GRK5: variants seen among roughly 807,000 people sequenced by gnomAD.
The protein encoded by GRK5 is g protein-coupled receptor kinase GRK5.
Under a neutral mutation model 78.4 loss-of-function variants are expected in GRK5, and 40 were observed. That is an observed-to-expected ratio of 0.51 (90% confidence interval 0.40 to 0.66). The LOEUF (loss-of-function observed/expected upper bound fraction) is 0.66, where lower values mean the gene tolerates loss of function less well. GRK5 is among the 30% of genes least tolerant of loss of function. The pLI, the probability that GRK5 is intolerant of heterozygous loss-of-function variation, is 0.00. For missense variants in GRK5, 598 were observed against 759.9 expected, an observed-to-expected ratio of 0.79 and a Z score of 2.50; for synonymous variants, 289 against 296.8, an observed-to-expected ratio of 0.97 and a Z score of 0.27.
intron 1 of GRK5, among the ~76,000 whole-genome samples, chr10:119,222,826 G>T (rs1261858979): frequency 2.0e-5 from 3 of 152,240 alleles, no homozygotes; most frequent in Non-Finnish European, 4.4e-5. Context: ...TCCTCACACT[G>T]AAGCCAGCTC....
chr10:119,436,665 T>C lies in GRK5; in HGVS notation c.753T>C (p.Tyr251=). ...TGTGCTCCCAGGTCAACCTGGCCTA[T>C]GCCTACGAGACCAAGGATGCACTGT... ...VNSQFVVNLA[Y]AYETKDALCL... The change falls in exon 9 of 16, where the codon TAT becomes TAC. Residue 251 remains tyrosine (Y), a synonymous_variant. Transcript: ENST00000392870. 2 of 1,614,178 alleles carry C rather than the reference T, an allele frequency of 1.2e-6. No homozygotes were observed. The highest frequency in any genetic ancestry group is 2.2e-5 in the South Asian group (2 of 91,076).
chr10:119,457,036 C>T lies in GRK5; in HGVS notation c.*1969C>T, dbSNP rs906163167. 3 of 152,308 alleles carry T rather than the reference C, an allele frequency of 2.0e-5. No individual in the cohort carries two copies. The highest frequency in any genetic ancestry group is 1.9e-4 in the East Asian group (1 of 5,186). 9.4% of individuals were successfully genotyped at this position (152,308 alleles called of 1,614,324 possible). On this transcript the variant is annotated 3_prime_UTR_variant, in exon 16 of 16. Coordinates refer to ENST00000392870, the MANE Select transcript of GRK5 (RefSeq NM_005308.3). ...AGCTCTTGTTTTATGAGGCTCCTTC[C>T]ATTACCTTTCTTGGGCTGAATGCAA... is the stretch of plus-strand genomic sequence containing the variant.
chr10:119,328,755 G>T (rs1025422026), intron 2 of GRK5, among the ~76,000 whole-genome samples: 2 of 152,238 alleles, frequency 1.3e-5, no homozygotes, highest in African/African-American at 4.8e-5. Flanking sequence ...GTGAGAAGCG[G>T]GCACCTGCGC....
chr10:119,440,392 T>C (rs1853008155), intron 10 of GRK5, among the ~76,000 whole-genome samples: 1 of 152,084 alleles, frequency 6.6e-6, no homozygotes, highest in African/African-American at 2.4e-5. Context: ...CCTTCTTTTT[T>C]TTTTTTTGAG....
intron 2 of GRK5, among the ~76,000 whole-genome samples, chr10:119,375,680 G>A (rs558069001): frequency 3.3e-5 from 5 of 152,354 alleles, no homozygotes; most frequent in Admixed American, 2.6e-4. Flanking sequence ...CTGTCTGAGC[G>A]CAAGGCTGGA....
chr10:119,299,130 CAG>C (rs1850131587), intron 1 of GRK5, among the ~76,000 whole-genome samples: 1 of 152,292 alleles, frequency 6.6e-6, no homozygotes, highest in East Asian at 1.9e-4. Flanking sequence ...AGGTTTCTGA[CAG>C]AGGCCTAGGA....
chr10:119,240,630 C>T (rs1027532043), intron 1 of GRK5, among the ~76,000 whole-genome samples: 9 of 152,064 alleles, frequency 5.9e-5, no homozygotes, highest in Admixed American at 2.6e-4. Flanking sequence ...ACATAAATGT[C>T]TTCTTTTGAG....
intron 1 of GRK5, among the ~76,000 whole-genome samples, chr10:119,307,748 A>G (rs1007718078): frequency 1.5e-5 from 2 of 131,832 alleles, no homozygotes; most frequent in Non-Finnish European, 3.4e-5. Flanking sequence ...TCATGCAGCC[A>G]TGCTCTACTC....
At position 119,219,379 on chromosome 10, in the gene GRK5, C is replaced by G. The variant is rs1272391404; in HGVS notation, c.52+11410C>G. On this transcript the variant is annotated intron_variant, in intron 1 of 15. Transcript: ENST00000392870. ...CAGGTGCGTGCCACCACACTTGACT[C>G]TTTGCAACATTTTGGATTTTAGATT... is the stretch of plus-strand genomic sequence containing the variant. Among the ~76,000 whole-genome samples the G allele has an allele frequency of 3.9e-5, 6 of 152,196 alleles. No homozygotes were observed. The East Asian group carries it at 1.2e-3, about 29-fold the overall frequency.
At chr10:119,421,511 G>A (rs932018777) in intron 4 of GRK5, among the ~76,000 whole-genome samples, 2 of 152,258 alleles carry the variant, frequency 1.3e-5, no homozygotes, top group Non-Finnish European at 2.9e-5. Context: ...CTCCTCCCAT[G>A]ACATCGAGGA....
chr10:119,367,871 C>T (rs979472331), intron 2 of GRK5, among the ~76,000 whole-genome samples: 36 of 152,172 alleles, frequency 2.4e-4, no homozygotes, highest in African/African-American at 8.7e-4. Flanking sequence ...CTCCACCTTC[C>T]GAGGCATTCA....
chr10:119,315,544 C>T (rs1850471341), intron 1 of GRK5, among the ~76,000 whole-genome samples: 1 of 152,190 alleles, frequency 6.6e-6, no homozygotes, highest in Non-Finnish European at 1.5e-5. Flanking sequence ...CTGGCCGCCT[C>T]CACTTTGCCC....
chr10:119,228,150 ATGGTGAAACCCCATCTCT>A (rs1412445886), intron 1 of GRK5, among the ~76,000 whole-genome samples: 7 of 152,122 alleles, frequency 4.6e-5, no homozygotes, highest in African/African-American at 1.7e-4. Context: ...ACTGGGCAGC[ATGGTGAAACCCCATCTCT>A]ACAAAAAACA....
At position 119,457,787 on chromosome 10, in the gene GRK5, A is replaced by C. The variant is rs2133926632; in HGVS notation, c.*2720A>C. The C allele has an allele frequency of 6.6e-6, 1 of 150,912 alleles. No individual in the cohort carries two copies. Among genetic ancestry groups the C allele is most frequent in the East Asian group, 2.0e-4 (1 of 5,100 alleles). 9.3% of individuals were successfully genotyped at this position (150,912 alleles called of 1,614,324 possible). A position where few individuals can be genotyped will look rare whatever the true frequency, so the allele number is the denominator to read the frequency against. On this transcript the variant is annotated 3_prime_UTR_variant, in exon 16 of 16. Transcript: ENST00000392870. ...CTGCAGCCTCAAACTCCTGAGTCCA[A>C]GCTATCCTCCTGCCTCAGCCTCCGA... is the stretch of plus-strand genomic sequence containing the variant.
chr10:119,414,376 CGT>C (rs368798484), intron 4 of GRK5, among the ~76,000 whole-genome samples: 1 of 151,804 alleles, frequency 6.6e-6, no homozygotes, highest in Non-Finnish European at 1.5e-5. Flanking sequence ...TGGACGTTAG[CGT>C]GTGTGTGTGT....
chr10:119,210,506 C>G (rs1053682222), intron 1 of GRK5, among the ~76,000 whole-genome samples: 2 of 152,024 alleles, frequency 1.3e-5, no homozygotes, highest in Non-Finnish European at 2.9e-5. Flanking sequence ...ATTTATTTTA[C>G]TAAACTTAGT....
At chr10:119,401,590 C>T (rs1334700657) in intron 4 of GRK5, among the ~76,000 whole-genome samples, 2 of 152,314 alleles carry the variant, frequency 1.3e-5, no homozygotes, top group East Asian at 3.9e-4. Context: ...GTTTCCTCAT[C>T]TGTCAAGGGT....
In GRK5 at chr10:119,271,319, T is replaced by G. The variant is rs559052609; in HGVS notation, c.53-55197T>G. ...CGAGCTGCCAACACAATCAAGGGTC[T>G]GCAGGTTTGGGAACTCCAAGGCAGT... On this transcript the variant is annotated intron_variant, in intron 1 of 15. Transcript: ENST00000392870. This position sits in a 1 kb window ranked among gnomAD's most constrained non-coding sequence, Gnocchi z 4.1. Among the ~76,000 whole-genome samples, 1 of 152,364 alleles carries G rather than the reference T, an allele frequency of 6.6e-6. No individual in the cohort carries two copies. The highest frequency in any genetic ancestry group is 1.9e-4 in the East Asian group (1 of 5,194).
chr10:119,399,857 G>C (rs1012560273), intron 4 of GRK5, among the ~76,000 whole-genome samples: 1 of 152,114 alleles, frequency 6.6e-6, no homozygotes, highest in African/African-American at 2.4e-5. Context: ...CTCTCCTGTG[G>C]CTTCACACTG....
Sources: gnomAD v4.1 joint callset for allele counts (sites outside exome capture counted in the v4.1 genomes callset) on GRCh38, gnomAD v4.1.1 for gene constraint, Gnocchi (gnomAD v3.1) non-coding constraint, MANE v1.5 for transcripts, NCBI Gene and HGNC (gene_info 2026-07-23, HGNC 2026-07-21) for gene names.